XRCC2: variants seen among roughly 807,000 people sequenced by gnomAD.
XRCC2 encodes X-ray repair cross complementing 2.
Under a neutral mutation model 27.3 loss-of-function variants are expected in XRCC2, and 24 were observed. The ratio of observed to expected loss-of-function variants is 0.88; its 90% confidence interval spans 0.64 to 1.24. XRCC2 has a LOEUF of 1.24. Among genes scored for constraint, XRCC2 ranks in the 50% most tolerant of loss-of-function variants. The probability of loss-of-function intolerance (pLI) is 0.00; values close to 1 mark genes in which losing one functional copy is unlikely to be tolerated. For synonymous variants in XRCC2, 106 were observed against 115.4 expected, an observed-to-expected ratio of 0.92 and a Z score of 0.52; for missense variants, 321 against 325.8, an observed-to-expected ratio of 0.99 and a Z score of 0.11.
intron 1 of XRCC2, among the ~76,000 whole-genome samples, chr7:152,673,112 T>A (rs3218396): frequency 0.087 from 13,216 of 152,216 alleles, 952 homozygotes; most frequent in African/African-American, 0.2. Context: ...CTTTTTTAAA[T>A]CAAGGGCACA....
intron 1 of XRCC2, among the ~76,000 whole-genome samples, chr7:152,667,405 C>CAAAAAAAAA (rs60136474): frequency 5.3e-5 from 4 of 75,854 alleles, no homozygotes; most frequent in African/African-American, 3.2e-4. Context: ...AACTCCGTCT[C>CAAAAAAAAA]AAAAAAAAAA....
Position 152,648,930 on chromosome 7 carries a change from A to G in XRCC2, c.555T>C (p.Asn185=), listed in dbSNP as rs2116987578. 6.2e-7 allele frequency: 1 copy of G among 1,614,202 alleles called. No individual in the cohort carries two copies. The highest frequency in any genetic ancestry group is 1.3e-5 in the African/African-American group (1 of 75,066). Residue 185 remains asparagine, a synonymous_variant, in exon 3 of 3, where the codon AAT becomes AAC. Transcript: ENST00000359321. ...KCSQCLEKLV[N]DYRLVLFATT... ...TTGCAAAAAGAACCAGGCGATAGTC[A>G]TTTACAAGCTTCTCTAAGCACTGAG...
At chr7:152,650,932 T>C (rs2098028254) in intron 2 of XRCC2, among the ~76,000 whole-genome samples, 1 of 152,138 alleles carries the variant, frequency 6.6e-6, no homozygotes, top group Admixed American at 6.6e-5. Context: ...ACTTTATTTC[T>C]TATTATTTAA....
At chr7:152,668,333 CACT>C (rs2098036812) in intron 1 of XRCC2, among the ~76,000 whole-genome samples, 1 of 152,212 alleles carries the variant, frequency 6.6e-6, no homozygotes. Context: ...ATATAGGGTT[CACT>C]ACTATCTGTG....
intron 1 of XRCC2, among the ~76,000 whole-genome samples, chr7:152,673,862 T>TGA (rs2098039234): frequency 6.6e-6 from 1 of 151,812 alleles, no homozygotes; most frequent in African/African-American, 2.4e-5. Context: ...GGCGACAGAG[T>TGA]GAGACTCTTG....
At chr7:152,663,241 T>G (rs3218457) in intron 1 of XRCC2, among the ~76,000 whole-genome samples, 89 of 149,362 alleles carry the variant, frequency 6.0e-4, no homozygotes, top group African/African-American at 2.1e-3. Context: ...TGCTGACAGC[T>G]AGCGTAATCA....
chr7:152,659,691 G>A (rs2098032240), intron 2 of XRCC2, among the ~76,000 whole-genome samples: 1 of 128,138 alleles, frequency 7.8e-6, no homozygotes, highest in Non-Finnish European at 1.6e-5. Flanking sequence ...GCAATGCAAT[G>A]ATGGTGCAAG....
chr7:152,660,991 C>A (rs2098032852), intron 1 of XRCC2, among the ~76,000 whole-genome samples: 1 of 152,060 alleles, frequency 6.6e-6, no homozygotes, highest in South Asian at 2.1e-4. Context: ...CATGGTGAAA[C>A]CTGACTCTAC....
chr7:152,674,638 AAT>A (rs541422916), intron 1 of XRCC2, among the ~76,000 whole-genome samples: 73 of 125,552 alleles, frequency 5.8e-4, no homozygotes, highest in African/African-American at 2.1e-3. Flanking sequence ...ATATATAAAA[AAT>A]ATGTTTATAT....
At chr7:152,652,765 T>C (rs1450891720) in intron 2 of XRCC2, among the ~76,000 whole-genome samples, 3 of 152,112 alleles carry the variant, frequency 2.0e-5, no homozygotes, top group African/African-American at 4.8e-5. Context: ...AGAATAAAAA[T>C]ATAAGTCTTG....
chr7:152,674,698 T>A (rs865885745), intron 1 of XRCC2, among the ~76,000 whole-genome samples: 1 of 69,772 alleles, frequency 1.4e-5, no homozygotes, highest in Non-Finnish European at 2.4e-5. Context: ...TATTTTTAAA[T>A]ATATATTTAT....
intron 2 of XRCC2, among the ~76,000 whole-genome samples, chr7:152,653,058 C>T (rs1184888901): frequency 6.6e-6 from 1 of 152,126 alleles, no homozygotes; most frequent in Non-Finnish European, 1.5e-5. Flanking sequence ...TGTCCCCACC[C>T]AAATCTCATT....
chr7:152,673,176 T>TA (rs1251149247), intron 1 of XRCC2, among the ~76,000 whole-genome samples: 2 of 152,074 alleles, frequency 1.3e-5, no homozygotes, highest in Admixed American at 1.3e-4. Flanking sequence ...TAGAATCTGC[T>TA]AAAAAAATAT....
rs3218506 is a variant in XRCC2, at chr7:152,654,158, T to C, written c.122-4795A>G. Among the ~76,000 whole-genome samples, 557 of 138,204 alleles carry C rather than the reference T, an allele frequency of 4.0e-3. 8 individuals are homozygous for C. Among genetic ancestry groups the C allele is most frequent in the Middle Eastern group, 0.026 (6 of 230 alleles). 90.7% of individuals were successfully genotyped at this position (138,204 alleles called of 152,430 possible). A position where few individuals can be genotyped will look rare whatever the true frequency, so the allele number is the denominator to read the frequency against. ...GTTGCAGTGAGCCCAGATTGCGCCATTGCACTTCAGCCTGGGCAACAGGAG... is the reference window on the plus strand; with the variant it reads ...GTTGCAGTGAGCCCAGATTGCGCCACTGCACTTCAGCCTGGGCAACAGGAG... On this transcript the variant is annotated intron_variant, in intron 2 of 2. Coordinates refer to ENST00000359321, the MANE Select transcript of XRCC2 (RefSeq NM_005431.2).
At chr7:152,660,461 T>C (rs1304417188) in intron 2 of XRCC2, among the ~76,000 whole-genome samples, 1 of 152,160 alleles carries the variant, frequency 6.6e-6, no homozygotes, top group Non-Finnish European at 1.5e-5. Flanking sequence ...ATAAATATTG[T>C]GTGTTGAGAA....
At position 152,674,705 on chromosome 7, in the gene XRCC2, T is replaced by TATATATATTTTAAAATATATTTA. The variant is rs200794364; in HGVS notation, c.39+1335_39+1336insTAAATATATTTTAAAATATATAT. 4.4e-3 allele frequency among the ~76,000 whole-genome samples: 91 copies of TATATATATTTTAAAATATATTTA among 20,694 alleles called. 8 individuals are homozygous for TATATATATTTTAAAATATATTTA. The highest frequency in any genetic ancestry group is 0.026 in the African/African-American group (89 of 3,468). 13.6% of individuals were successfully genotyped at this position (20,694 alleles called of 152,430 possible). On this transcript the variant is annotated intron_variant, in intron 1 of 2. Coordinates refer to ENST00000359321, the MANE Select transcript of XRCC2 (RefSeq NM_005431.2). The stretch of plus-strand genomic sequence containing the variant: ...TATAAATATATTTTTAAATATATAT[T>TATATATATTTTAAAATATATTTA]TATATAATATATTTTTAAATATATA...
At position 152,648,834 on chromosome 7, in the gene XRCC2, A is replaced by G. The variant is rs1380848586; in HGVS notation, c.651T>C (p.Cys217=). The G allele has an allele frequency of 3.1e-6, 5 of 1,613,594 alleles. No homozygotes were observed. The highest frequency in any genetic ancestry group is 1.3e-5 in the African/African-American group (1 of 74,906). The part of the protein sequence containing the change: ...EEPSHASRRL[C]DVDIDYRPYL... ...AAGGTCTGTAGTCTATGTCCACATC[A>G]CACAGTCGTCGAGAGGCATGAGAAG... Residue 217 remains cysteine (C), a synonymous_variant, in exon 3 of 3, where the codon TGT becomes TGC. Coordinates refer to ENST00000359321, the MANE Select transcript of XRCC2 (RefSeq NM_005431.2).
chr7:152,649,970 CAG>C (rs1284402612), intron 2 of XRCC2, among the ~76,000 whole-genome samples: 2 of 152,164 alleles, frequency 1.3e-5, no homozygotes, highest in Non-Finnish European at 2.9e-5. Flanking sequence ...GCGTGGAAGA[CAG>C]AAGGTACCCA....
At chr7:152,649,753 A>T (rs1030214730) in intron 2 of XRCC2, among the ~76,000 whole-genome samples, 4 of 152,188 alleles carry the variant, frequency 2.6e-5, no homozygotes, top group Non-Finnish European at 4.4e-5. Flanking sequence ...ATGGGGAGGG[A>T]AATGTGTCCA....
Sources: allele counts gnomAD v4.1 joint callset (sites outside exome capture counted in the v4.1 genomes callset), GRCh38; gene constraint gnomAD v4.1.1; transcripts MANE v1.5; gene names NCBI Gene and HGNC (gene_info 2026-07-23, HGNC 2026-07-21).